Variants in SYT13 observed in about 807,000 individuals in gnomAD.
The protein encoded by SYT13 is synaptotagmin 13.
A neutral mutation model predicts 38.6 loss-of-function variants in SYT13; 21 were observed. The ratio of observed to expected loss-of-function variants is 0.54; its 90% confidence interval spans 0.39 to 0.78. SYT13 has a LOEUF of 0.78. Ranked by LOEUF, SYT13 falls within the 30% of genes least tolerant of loss-of-function variation. The probability of loss-of-function intolerance (pLI) is 0.00; values close to 1 mark genes in which losing one functional copy is unlikely to be tolerated. For synonymous variants in SYT13, 241 were observed against 237.6 expected, an observed-to-expected ratio of 1.01 and a Z score of -0.13; for missense variants, 495 against 548.7, an observed-to-expected ratio of 0.90 and a Z score of 0.98.
chr11:45,241,522 A>ACCCCC lies in SYT13; in HGVS notation c.*2529_*2530insGGGGG, dbSNP rs1854551657. 1.6e-4 allele frequency: 6 copies of ACCCCC among 36,728 alleles called. No individual in the cohort carries two copies. The South Asian group carries it at 3.2e-3, about 20-fold the overall frequency. 2.3% of individuals were successfully genotyped at this position (36,728 alleles called of 1,614,324 possible). A position where few individuals can be genotyped will look rare whatever the true frequency, so the allele number is the denominator to read the frequency against. On this transcript the variant is annotated 3_prime_UTR_variant, in exon 6 of 6. Transcript: ENST00000020926. ...ATCCCTCCCCCGCCCCGCCCCCCCA[A>ACCCCC]AAAAAAGAAGAAGAAGAATGAAAGG...
At chr11:45,268,594 A>G (rs1854912556) in intron 1 of SYT13, among the ~76,000 whole-genome samples, 1 of 152,206 alleles carries the variant, frequency 6.6e-6, no homozygotes, top group Admixed American at 6.5e-5. Flanking sequence ...ATCCCCACTT[A>G]GAGGAAGAAA....
At chr11:45,274,041 T>A (rs1171775798) in intron 1 of SYT13, among the ~76,000 whole-genome samples, 2 of 152,230 alleles carry the variant, frequency 1.3e-5, no homozygotes, top group Non-Finnish European at 2.9e-5. Flanking sequence ...GGATTCAGAA[T>A]GGCTGTGGTG....
intron 4 of SYT13, 41 bp from the exon 5 acceptor site, chr11:45,246,553 G>A (rs1854616771): frequency 1.2e-6 from 2 of 1,605,794 alleles, no homozygotes; most frequent in Non-Finnish European, 1.7e-6. Context: ...GTCTCACCTG[G>A]GGACGCCTTC....
Position 45,252,269 on chromosome 11 carries a change from C to T in SYT13, c.846+152G>A, listed in dbSNP as rs1716793146. The stretch of plus-strand genomic sequence containing the variant: ...GCTATGGGTCTCCTCTAGCCCTCTG[C>T]CCCATTCAAGATTCCAACCTCCCTT... On this transcript the variant is annotated intron_variant, in intron 4 of 5. Coordinates refer to ENST00000020926, the MANE Select transcript of SYT13 (RefSeq NM_020826.3). This position sits in a 1 kb window ranked among gnomAD's most constrained non-coding sequence, Gnocchi z 4.3. 2.2e-6 allele frequency: 2 copies of T among 896,568 alleles called. No individual in the cohort carries two copies. Among genetic ancestry groups the T allele is most frequent in the South Asian group, 1.8e-5 (1 of 54,066 alleles). 55.5% of individuals were successfully genotyped at this position (896,568 alleles called of 1,614,324 possible). A position where few individuals can be genotyped will look rare whatever the true frequency, so the allele number is the denominator to read the frequency against.
At chr11:45,273,639 T>C (rs1459826310) in intron 1 of SYT13, among the ~76,000 whole-genome samples, 1 of 152,204 alleles carries the variant, frequency 6.6e-6, no homozygotes, top group Admixed American at 6.5e-5. Flanking sequence ...ATTAACGACA[T>C]GAGGTCAGGG....
rs937946165 is a variant in SYT13, at chr11:45,286,199, C to A, written c.9G>T (p.Leu3=). Residue 3 remains leucine (L), a synonymous_variant, in exon 1 of 6, where the codon CTG becomes CTT. Coordinates refer to ENST00000020926, the MANE Select transcript of SYT13 (RefSeq NM_020826.3). The stretch of plus-strand genomic sequence containing the variant: ...CGCCCAGCGCGATCACAGGCACCGA[C>A]AGCACCATGGTGCCCGCTCCCGGCG... MV[L]SVPVIALGAT... is the part of the protein sequence containing the mutation. 1 of 1,563,978 alleles carries A rather than the reference C, an allele frequency of 6.4e-7. No homozygotes were observed. Among genetic ancestry groups the A allele is most frequent in the South Asian group, 1.2e-5 (1 of 85,516 alleles).
At chr11:45,285,702 C>A (rs1426114499) in intron 1 of SYT13, among the ~76,000 whole-genome samples, 1 of 152,044 alleles carries the variant, frequency 6.6e-6, no homozygotes, top group Non-Finnish European at 1.5e-5. Context: ...CTCCTCTTAC[C>A]CTTCCCAGCC....
intron 1 of SYT13, chr11:45,269,454 A>G (rs1365509473): frequency 7.8e-7 from 1 of 1,279,364 alleles, no homozygotes; most frequent in African/African-American, 1.5e-5. Flanking sequence ...TTCAGCAGTC[A>G]CATCACAAAG....
rs1018104035 is a variant in SYT13 at position 45,252,205 on chromosome 11, C to T, written c.846+216G>A. On this transcript the variant is annotated intron_variant, in intron 4 of 5. Coordinates refer to ENST00000020926, the MANE Select transcript of SYT13 (RefSeq NM_020826.3). The surrounding 1 kb of genome is among the most constrained non-coding windows in gnomAD (Gnocchi z 4.3). ...AGAGTCTTTGCATGGCAAGTTAGAG[C>T]CAAGACTAGGAGCAGACACTAGGAA... is the stretch of plus-strand genomic sequence containing the variant. Among the ~76,000 whole-genome samples, 12 of 152,126 alleles carry T rather than the reference C, an allele frequency of 7.9e-5. No homozygotes were observed. The highest frequency in any genetic ancestry group is 1.8e-4 in the Non-Finnish European group (12 of 68,028).
intron 4 of SYT13, among the ~76,000 whole-genome samples, chr11:45,251,471 G>C (rs1854674385): frequency 6.6e-6 from 1 of 150,852 alleles, no homozygotes; most frequent in Non-Finnish European, 1.5e-5. Flanking sequence ...ACATTTTCTG[G>C]AAAGGGGCTA....
chr11:45,278,164 T>C (rs1384943172), intron 1 of SYT13, among the ~76,000 whole-genome samples: 1 of 152,192 alleles, frequency 6.6e-6, no homozygotes, highest in Non-Finnish European at 1.5e-5. Context: ...ACGTATAGAA[T>C]CTCTTAGTTC....
In SYT13 at chr11:45,269,341, A is replaced by AAAAC. The variant is rs546454223; in HGVS notation, c.184-13454_184-13451dup. On this transcript the variant is annotated intron_variant, in intron 1 of 5. Coordinates refer to ENST00000020926, the MANE Select transcript of SYT13 (RefSeq NM_020826.3). ...TTATTAAAAAAACAAACAAAAAAAC[A>AAAAC]AAACAAACAAACAAACAAACAAAAA... 3.0e-4 allele frequency: 248 copies of AAAAC among 819,462 alleles called. 1 individual carries two copies. The African/African-American group carries it at 3.8e-3, about 13-fold the overall frequency. 50.8% of individuals were successfully genotyped at this position (819,462 alleles called of 1,614,324 possible).
intron 1 of SYT13, among the ~76,000 whole-genome samples, chr11:45,258,793 A>C (rs1854778863): frequency 6.6e-6 from 1 of 152,100 alleles, no homozygotes; most frequent in East Asian, 1.9e-4. Context: ...GGGGAGTAAA[A>C]GTCTGTGCTT....
intron 1 of SYT13, 178 bp downstream of exon 1, chr11:45,285,843 AGCCT>A: frequency 1.9e-6 from 1 of 527,418 alleles, no homozygotes. Context: ...CCCATCCCCT[AGCCT>A]CCCCCATCCC....
rs1241931355 is a variant in SYT13, at chr11:45,243,770, C to T, written c.*282G>A. The T allele has an allele frequency of 3.3e-5, 12 of 365,896 alleles. No individual in the cohort carries two copies. In the East Asian group the frequency reaches 5.3e-4, roughly 16 times the overall value. 22.7% of individuals were successfully genotyped at this position (365,896 alleles called of 1,614,324 possible). On this transcript the variant is annotated 3_prime_UTR_variant, in exon 6 of 6. Transcript: ENST00000020926. ...CACATTTAGCTTTCTCTGCATCTGG[C>T]CTAACCCCACCTATAAAACAGGCAT...
chr11:45,250,104 G>GCCT, intron 4 of SYT13, among the ~76,000 whole-genome samples: 1 of 152,262 alleles, frequency 6.6e-6, no homozygotes, highest in East Asian at 1.9e-4. Flanking sequence ...CCCTCTAGCT[G>GCCT]GGGCGAGGGG....
chr11:45,252,562 G>A lies in SYT13; in HGVS notation c.705C>T (p.Pro235=), dbSNP rs1438089946. The change falls in exon 4 of 6, where the codon CCC becomes CCT. Residue 235 remains proline, a synonymous_variant. Transcript: ENST00000020926. This position sits in a 1 kb window ranked among gnomAD's most constrained non-coding sequence, Gnocchi z 4.3. Reference sequence around the variant, plus strand: ...TCAAGGTCAGCGTCAGGGTGGCTGTGGGGAGCTCCTCCTCCGCCAGGGGGA... The same window carrying A: ...TCAAGGTCAGCGTCAGGGTGGCTGTAGGGAGCTCCTCCTCCGCCAGGGGGA... ...LVLPLAEEEL[P]TATLTLTLRT... is the part of the protein sequence containing the mutation. 2 of 1,613,990 alleles carry A rather than the reference G, an allele frequency of 1.2e-6. No individual in the cohort carries two copies. Among genetic ancestry groups the A allele is most frequent in the East Asian group, 2.2e-5 (1 of 44,876 alleles).
chr11:45,249,038 T>C (rs1268866120), intron 4 of SYT13, among the ~76,000 whole-genome samples: 3 of 142,938 alleles, frequency 2.1e-5, no homozygotes, highest in South Asian at 4.7e-4. Flanking sequence ...TACAAAGAAA[T>C]TAAACAAATT....
At chr11:45,268,850 C>A (rs1854915773) in intron 1 of SYT13, among the ~76,000 whole-genome samples, 1 of 152,176 alleles carries the variant, frequency 6.6e-6, no homozygotes. Flanking sequence ...CTCATTCACT[C>A]CATCAATCAT....
Sources: gnomAD v4.1 joint callset for allele counts (sites outside exome capture counted in the v4.1 genomes callset) on GRCh38, gnomAD v4.1.1 for gene constraint, Gnocchi (gnomAD v3.1) non-coding constraint, MANE v1.5 for transcripts, NCBI Gene and HGNC (gene_info 2026-07-23, HGNC 2026-07-21) for gene names.